The following USP5 variants were observed in gnomAD, a reference collection of about 807,000 sequenced individuals.
The protein encoded by USP5 is ubiquitin carboxyl-terminal hydrolase 5.
Under a neutral mutation model 102.5 loss-of-function variants are expected in USP5, and 24 were observed. The observed-to-expected ratio is 0.23, with a 90% CI of 0.17 to 0.33. USP5 has a LOEUF of 0.33. Among genes scored for constraint, USP5 ranks in the 10% least tolerant of loss-of-function variants. USP5 has a pLI of 1.00. For synonymous variants in USP5, 460 were observed against 434.8 expected, an observed-to-expected ratio of 1.06 and a Z score of -0.72; for missense variants, 753 against 1,122.1, an observed-to-expected ratio of 0.67 and a Z score of 4.70.
chr12:6,856,776 C>G lies in USP5; in HGVS notation c.654C>G (p.Leu218=). 2 of 1,614,168 alleles carry G rather than the reference C, an allele frequency of 1.2e-6. No individual in the cohort carries two copies. Among genetic ancestry groups the G allele is most frequent in the South Asian group, 2.2e-5 (2 of 91,072 alleles). ...LWLNLTDGSI[L]CGRRYFDGSG... ...TCAACCTGACTGATGGCTCCATCCT[C>G]TGTGGGCGACGCTACTTCGATGGCA... The change falls in exon 6 of 20, where the codon CTC becomes CTG. Residue 218 remains leucine, a synonymous_variant. Transcript: ENST00000229268. The surrounding 1 kb of genome is among the most constrained non-coding windows in gnomAD (Gnocchi z 5.6).
chr12:6,862,614 T>G, intron 14 of USP5, 56 bp downstream of exon 14: 1 of 1,515,116 alleles, frequency 6.6e-7, no homozygotes, highest in Non-Finnish European at 9.2e-7. Context: ...AAGAAGGGGC[T>G]TTAACACATA....
chr12:6,856,420 A>G lies in USP5; in HGVS notation c.554A>G (p.Gln185Arg), dbSNP rs1049486177. 3 of 1,613,606 alleles carry G rather than the reference A, an allele frequency of 1.9e-6. No individual in the cohort carries two copies. The highest frequency in any genetic ancestry group is 2.5e-6 in the Non-Finnish European group (3 of 1,179,742). Reference protein sequence around the residue: ...QVSKHAFSLKQLDNPARIPPC... With the variant: ...QVSKHAFSLKRLDNPARIPPC... ...TCTAAGCATGCCTTCAGCCTCAAGC[A>G]GTTGGACAACCCTGCTCGAATCCCT... Residue 185 changes from glutamine (Q) to arginine (R), a missense_variant, in exon 5 of 20, where the codon CAG (glutamine) becomes CGG (arginine). Gln to Arg is a conservative substitution (Grantham distance 43). This residue lies in a region of USP5 where 527 missense variants were observed against 816.5 expected (regional missense o/e 0.65). Transcript: ENST00000229268. The surrounding 1 kb of genome is among the most constrained non-coding windows in gnomAD (Gnocchi z 5.6).
rs1944176340 is a variant in USP5, at chr12:6,858,232, G to C, written c.865-192G>C. On this transcript the variant is annotated intron_variant, in intron 7 of 19. Transcript: ENST00000229268. This position sits in a 1 kb window ranked among gnomAD's most constrained non-coding sequence, Gnocchi z 4.2. ...AAGCAGAGGCCCTGATGACTAACGG[G>C]CCTCTGGGACAATTATGTGTGGCCT... 6.6e-6 allele frequency among the ~76,000 whole-genome samples: 1 copy of C among 152,196 alleles called. No individual in the cohort carries two copies. The highest frequency in any genetic ancestry group is 2.4e-5 in the African/African-American group (1 of 41,440).
In USP5 at chr12:6,866,275, G is replaced by T; in HGVS notation, c.*198G>T. ...GCGATAGACTCTGGGGATGGAGCAGGACGGGGACGGGAGGGGCCGGCCACC... is the reference window on the plus strand; with the variant it reads ...GCGATAGACTCTGGGGATGGAGCAGTACGGGGACGGGAGGGGCCGGCCACC... On this transcript the variant is annotated 3_prime_UTR_variant, in exon 20 of 20. Transcript: ENST00000229268. This position sits in a 1 kb window ranked among gnomAD's most constrained non-coding sequence, Gnocchi z 4.7. The T allele has an allele frequency of 1.7e-6, 1 of 576,208 alleles. No homozygotes were observed. The highest frequency in any genetic ancestry group is 3.1e-6 in the Non-Finnish European group (1 of 323,576). The allele number at this position is 576,208 out of a possible 1,614,324, so 35.7% of individuals were successfully genotyped here.
intron 9 of USP5, 135 bp downstream of exon 9, chr12:6,859,676 C>T (rs1385508610): frequency 2.0e-5 from 18 of 884,394 alleles, no homozygotes; most frequent in Middle Eastern, 3.1e-4. Context: ...TTTTTTGAGA[C>T]GGAGTCTTGT....
At chr12:6,859,303 G>T (rs782208963) in intron 8 of USP5, among the ~76,000 whole-genome samples, 167 bp from the exon 9 acceptor site, 5 of 152,184 alleles carry the variant, frequency 3.3e-5, no homozygotes, top group Non-Finnish European at 7.3e-5. Context: ...TAGCTGAGAA[G>T]GGGAGAACAG....
At position 6,860,486 on chromosome 12, in the gene USP5, G is replaced by A. The variant is rs782552744; in HGVS notation, c.1339G>A (p.Val447Met). ...GTTCTTCCTTCACCTTATCAACATG[G>A]TGGAGGTAAGGGCTGGCAAGATGGC... ...QEFFLHLINMVERNCRSSENP... is the reference protein window; with the variant it reads ...QEFFLHLINMMERNCRSSENP... Residue 447 changes from valine (V) to methionine (M), a missense_variant, in exon 11 of 20, where the codon GTG (valine) becomes ATG (methionine). Around this residue, in one of 3 missense-constraint regions of USP5, gnomAD observed 527 missense variants for 816.5 expected, o/e 0.65. Coordinates refer to ENST00000229268, the MANE Select transcript of USP5 (RefSeq NM_001098536.2). The surrounding 1 kb of genome is among the most constrained non-coding windows in gnomAD (Gnocchi z 5.5). The A allele has an allele frequency of 6.2e-7, 1 of 1,613,884 alleles. No homozygotes were observed. Among genetic ancestry groups the A allele is most frequent in the Admixed American group, 1.7e-5 (1 of 60,016 alleles).
At position 6,855,995 on chromosome 12, in the gene USP5, CTCT is replaced by C. The variant is rs782025534; in HGVS notation, c.305-16_305-14del. The C allele has an allele frequency of 3.1e-6, 5 of 1,613,916 alleles. No homozygotes were observed. Among genetic ancestry groups the C allele is most frequent in the Admixed American group, 3.3e-5 (2 of 59,996 alleles). On this transcript the variant is annotated intron_variant, in intron 3 of 19. Coordinates refer to ENST00000229268, the MANE Select transcript of USP5 (RefSeq NM_001098536.2). This position sits in a 1 kb window ranked among gnomAD's most constrained non-coding sequence, Gnocchi z 4.6. ...ACCTGTTGTCATTGCTCTACTCTCC[CTCT>C]TCTTCCCTATCCTTCCAGGTGTTGA...
chr12:6,859,616 G>A (rs1160450250), intron 9 of USP5, 75 bp downstream of exon 9: 2 of 1,436,912 alleles, frequency 1.4e-6, no homozygotes, highest in South Asian at 1.1e-5. Flanking sequence ...TGACCGCCTG[G>A]GGGGCACAGC....
chr12:6,853,924 A>G (rs1591603864), intron 1 of USP5, among the ~76,000 whole-genome samples: 1 of 152,226 alleles, frequency 6.6e-6, no homozygotes, highest in Non-Finnish European at 1.5e-5. Flanking sequence ...ACTATTTTTC[A>G]TATCACAGCA....
At chr12:6,857,849 G>A (rs202095894) in intron 7 of USP5, 126 bp downstream of exon 7, 3 of 833,042 alleles carry the variant, frequency 3.6e-6, no homozygotes, top group Non-Finnish European at 5.7e-6. Flanking sequence ...AGATACACAG[G>A]CTTCTTTTAA....
chr12:6,864,696 A>C lies in USP5; in HGVS notation c.2245-26A>C. 2 of 1,594,184 alleles carry C rather than the reference A, an allele frequency of 1.3e-6. No individual in the cohort carries two copies. Among genetic ancestry groups the C allele is most frequent in the Non-Finnish European group, 1.7e-6 (2 of 1,173,586 alleles). On this transcript the variant is annotated intron_variant, in intron 17 of 19. Transcript: ENST00000229268. This position sits in a 1 kb window ranked among gnomAD's most constrained non-coding sequence, Gnocchi z 4.8. The stretch of plus-strand genomic sequence containing the variant: ...AGAGCAAGACTCCGTCTCAAGAAAA[A>C]AAGTAATGCTTCCTTCCTCTCCAAG...
chr12:6,855,591 T>A lies in USP5; in HGVS notation c.237+65T>A. 1 of 1,593,500 alleles carries A rather than the reference T, an allele frequency of 6.3e-7. No homozygotes were observed. Among genetic ancestry groups the A allele is most frequent in the Non-Finnish European group, 8.5e-7 (1 of 1,170,962 alleles). Reference sequence around the variant, plus strand: ...GTTCCATTCTGACCTCCTATTGGACTCAGTTTCTTTTTTTCACCTACTTTT... The same window carrying A: ...GTTCCATTCTGACCTCCTATTGGACACAGTTTCTTTTTTTCACCTACTTTT... On this transcript the variant is annotated intron_variant, in intron 2 of 19. Coordinates refer to ENST00000229268, the MANE Select transcript of USP5 (RefSeq NM_001098536.2). The surrounding 1 kb of genome is among the most constrained non-coding windows in gnomAD (Gnocchi z 4.6).
At chr12:6,862,441 T>G in intron 13 of USP5, 29 bp from the exon 14 acceptor site, 1 of 1,601,240 alleles carries the variant, frequency 6.2e-7, no homozygotes, top group Non-Finnish European at 8.6e-7. Flanking sequence ...GGGGATTGTC[T>G]GGGTACCAGC....
intron 1 of USP5, among the ~76,000 whole-genome samples, chr12:6,853,246 C>G (rs1414768145): frequency 1.4e-4 from 22 of 152,222 alleles, no homozygotes; most frequent in Admixed American, 1.4e-3. Context: ...TCTGCCAGAA[C>G]CAGCTCATGG....
chr12:6,859,914 CA>C (rs1555129152), intron 9 of USP5, among the ~76,000 whole-genome samples: 1 of 152,192 alleles, frequency 6.6e-6, no homozygotes. Context: ...CTCGGCCTCC[CA>C]AAGTGCTGGG....
Position 6,864,087 on chromosome 12 carries a change from G to A in USP5, c.2136G>A (p.Gly712=), listed in dbSNP as rs1944356102. ...ANPLILPGSS[G]PGSTSAAADP... ...CCCTCATCCTGCCTGGCTCTAGTGG[G>A]CCGGGCTCCACAAGCGCAGCAGCCG... Residue 712 remains glycine, a synonymous_variant, in exon 17 of 20, where the codon GGG becomes GGA. Transcript: ENST00000229268. The surrounding 1 kb of genome is among the most constrained non-coding windows in gnomAD (Gnocchi z 4.8). 4 of 1,613,476 alleles carry A rather than the reference G, an allele frequency of 2.5e-6. No homozygotes were observed. The East Asian group carries it at 6.7e-5, about 27-fold the overall frequency.
At chr12:6,862,188 G>A (rs757258109) in intron 13 of USP5, among the ~76,000 whole-genome samples, 5 of 151,586 alleles carry the variant, frequency 3.3e-5, no homozygotes, top group African/African-American at 9.7e-5. Context: ...TCAAGCAGTC[G>A]TCCTGCCTTG....
Position 6,855,476 on chromosome 12 carries a change from A to G in USP5, c.187A>G (p.Asn63Asp), listed in dbSNP as rs782203984. Reference sequence around the variant, plus strand: ...GAAACAGTATGTGGAGAGACATTTCAATAAGACCGGCCAGCGAGTCTACTT... The same window carrying G: ...GAAACAGTATGTGGAGAGACATTTCGATAAGACCGGCCAGCGAGTCTACTT... ...FGKQYVERHF[N>D]KTGQRVYLHL... Residue 63 changes from asparagine (N) to aspartate (D), a missense_variant, in exon 2 of 20, where the codon AAT (asparagine) becomes GAT (aspartate). Physicochemically the swap from Asn to Asp is conservative, Grantham distance 23 (BLOSUM62 1). Coordinates refer to ENST00000229268, the MANE Select transcript of USP5 (RefSeq NM_001098536.2). This position sits in a 1 kb window ranked among gnomAD's most constrained non-coding sequence, Gnocchi z 4.6. 6.3e-5 allele frequency: 102 copies of G among 1,614,076 alleles called. No homozygotes were observed. In the Admixed American group the frequency reaches 1.2e-3, roughly 19 times the overall value.
Sources: gnomAD v4.1 joint callset for allele counts (sites outside exome capture counted in the v4.1 genomes callset) on GRCh38, gnomAD v4.1.1 for gene constraint, gnomAD v4.1.1 regional missense constraint, Gnocchi (gnomAD v3.1) non-coding constraint, MANE v1.5 for transcripts, NCBI Gene and HGNC (gene_info 2026-07-23, HGNC 2026-07-21) for gene names.